The following SLC20A2 variants were observed in gnomAD, a reference collection of about 807,000 sequenced individuals.
The protein encoded by SLC20A2 is sodium-dependent phosphate transporter 2.
SLC20A2 carries 30 observed loss-of-function variants against 61.0 expected under a neutral mutation model. The observed-to-expected ratio is 0.49, with a 90% CI of 0.37 to 0.67. The LOEUF is 0.67. Among genes scored for constraint, SLC20A2 ranks in the 30% least tolerant of loss-of-function variants. The probability of loss-of-function intolerance (pLI) is 0.00; values close to 1 mark genes in which losing one functional copy is unlikely to be tolerated. For synonymous variants in SLC20A2, 351 were observed against 353.3 expected, an observed-to-expected ratio of 0.99 and a Z score of 0.07; for missense variants, 626 against 866.4, an observed-to-expected ratio of 0.72 and a Z score of 3.48.
intron 9 of SLC20A2, among the ~76,000 whole-genome samples, chr8:42,429,774 G>A (rs975936568): frequency 2.6e-5 from 4 of 152,170 alleles, no homozygotes; most frequent in Non-Finnish European, 5.9e-5. Flanking sequence ...CCCCGTGCTG[G>A]CTGAGGGTGA....
In SLC20A2 at chr8:42,445,610, A is replaced by G. The variant is rs1303422967; in HGVS notation, c.614-848T>C. ...GGCGCGGTGACAGGCGCCTGTAATC[A>G]CAGCTACTCAGGAGGCTGAGGCAGG... On this transcript the variant is annotated intron_variant, in intron 5 of 10. Transcript: ENST00000520262. 3.3e-5 allele frequency among the ~76,000 whole-genome samples: 5 copies of G among 151,890 alleles called. No homozygotes were observed. In the East Asian group the frequency reaches 9.8e-4, roughly 30 times the overall value.
In SLC20A2 at chr8:42,509,472, C is replaced by T. The variant is rs141964896; in HGVS notation, c.-265+32349G>A. Among the ~76,000 whole-genome samples the T allele has an allele frequency of 7.9e-3, 1,203 of 152,198 alleles. 8 individuals carry two copies. The highest frequency in any genetic ancestry group is 0.028 in the African/African-American group (1,142 of 41,506). Reference sequence around the variant, plus strand: ...AGGCTTAGCCAGGCACAGTGTCATGCCTATAATCCCAGCACTTTGGGAGGC... The same window carrying T: ...AGGCTTAGCCAGGCACAGTGTCATGTCTATAATCCCAGCACTTTGGGAGGC... On this transcript the variant is annotated intron_variant, in intron 1 of 10. Coordinates refer to the SLC20A2 transcript ENST00000342228.
At chr8:42,527,482 A>T (rs906875799) in intron 1 of SLC20A2, among the ~76,000 whole-genome samples, 1 of 152,122 alleles carries the variant, frequency 6.6e-6, no homozygotes. Context: ...GTTCATTTTT[A>T]AAAATGGGGA....
intron 4 of SLC20A2, among the ~76,000 whole-genome samples, chr8:42,460,611 T>G (rs1330560755): frequency 1.3e-5 from 2 of 152,256 alleles, no homozygotes; most frequent in African/African-American, 4.8e-5. Flanking sequence ...AGTTCCTTGT[T>G]GAATAATTTA....
At chr8:42,486,089 A>G (rs1808980864) in intron 1 of SLC20A2, among the ~76,000 whole-genome samples, 1 of 151,952 alleles carries the variant, frequency 6.6e-6, no homozygotes, top group African/African-American at 2.4e-5. Flanking sequence ...ATATGTAATT[A>G]TATTGTCTTT....
rs765520544 is a variant in SLC20A2, at chr8:42,428,741, G to A, written c.1794+17C>T. 24 of 1,605,676 alleles carry A rather than the reference G, an allele frequency of 1.5e-5. No homozygotes were observed. In the Admixed American group the frequency reaches 2.0e-4, roughly 14 times the overall value. ...CCCAGCGGCCTGGGGAAGGGCTCCC[G>A]GCTAGCAGGGGCCTACCTTACAGTG... On this transcript the variant is annotated intron_variant, in intron 10 of 10. Transcript: ENST00000520262.
intron 5 of SLC20A2, among the ~76,000 whole-genome samples, chr8:42,451,868 G>T (rs1445298884): frequency 3.6e-5 from 5 of 138,958 alleles, no homozygotes; most frequent in Admixed American, 3.5e-4. Flanking sequence ...GGAAAAGATG[G>T]AGGAGGAAGA....
intron 5 of SLC20A2, among the ~76,000 whole-genome samples, chr8:42,447,727 A>AT (rs1441265544): frequency 6.6e-6 from 1 of 152,234 alleles, no homozygotes; most frequent in African/African-American, 2.4e-5. Flanking sequence ...TATGAATAGA[A>AT]TAGGTAGTTA....
At chr8:42,511,542 G>A (rs560614793) in intron 1 of SLC20A2, among the ~76,000 whole-genome samples, 24 of 151,830 alleles carry the variant, frequency 1.6e-4, no homozygotes, top group Middle Eastern at 3.4e-3. Flanking sequence ...AAGGAGAATC[G>A]CTTGAACCTG....
chr8:42,534,485 AACAAAAC>A (rs1228469173), intron 1 of SLC20A2, among the ~76,000 whole-genome samples: 1 of 152,226 alleles, frequency 6.6e-6, no homozygotes, highest in Non-Finnish European at 1.5e-5. Context: ...ATATGAGAAC[AACAAAAC>A]ACTGAACAAG....
chr8:42,535,215 C>T (rs576333228), intron 1 of SLC20A2: 5 of 152,230 alleles, frequency 3.3e-5, no homozygotes, highest in East Asian at 1.9e-4. Context: ...ATGGTTGCCG[C>T]GCCACAGGCT....
At chr8:42,532,935 A>G (rs1204109385) in intron 1 of SLC20A2, among the ~76,000 whole-genome samples, 2 of 152,212 alleles carry the variant, frequency 1.3e-5, no homozygotes, top group Middle Eastern at 3.2e-3. Flanking sequence ...GACTAGGCTG[A>G]ATCATGGAGA....
chr8:42,417,788 C>G lies in SLC20A2; in HGVS notation c.*15G>C. 1.2e-6 allele frequency: 2 copies of G among 1,613,016 alleles called. No individual in the cohort carries two copies. The highest frequency in any genetic ancestry group is 1.7e-6 in the Non-Finnish European group (2 of 1,179,198). On this transcript the variant is annotated 3_prime_UTR_variant, in exon 11 of 11. Transcript: ENST00000520262. Reference sequence around the variant, plus strand: ...AGACCATCCCTTTAGCTGTTTGCAGCTGGAAGAAGACAAATCACACATATG... The same window carrying G: ...AGACCATCCCTTTAGCTGTTTGCAGGTGGAAGAAGACAAATCACACATATG...
intron 1 of SLC20A2, among the ~76,000 whole-genome samples, chr8:42,487,969 G>A (rs568452715): frequency 3.3e-5 from 5 of 152,232 alleles, no homozygotes; most frequent in East Asian, 1.9e-4. Context: ...CACAGCCTAA[G>A]GAGCTCAGGG....
rs1169971559 is a variant in SLC20A2, at chr8:42,437,802, G to C, written c.935-225C>G. On this transcript the variant is annotated intron_variant, in intron 7 of 10. Coordinates refer to ENST00000520262, the MANE Select transcript of SLC20A2 (RefSeq NM_001257180.2). The surrounding 1 kb of genome is among the most constrained non-coding windows in gnomAD (Gnocchi z 6.4). Reference sequence around the variant, plus strand: ...CTAACTTTTTTGTATTTTTAGTAGAGATGGGGTTTCACCATGTTGGCCAGG... The same window carrying C: ...CTAACTTTTTTGTATTTTTAGTAGACATGGGGTTTCACCATGTTGGCCAGG... 2.6e-5 allele frequency among the ~76,000 whole-genome samples: 4 copies of C among 151,568 alleles called. No individual in the cohort carries two copies. The highest frequency in any genetic ancestry group is 4.4e-5 in the Non-Finnish European group (3 of 67,924).
Position 42,490,397 on chromosome 8 carries a change from A to G in SLC20A2, c.-265+10634T>C, listed in dbSNP as rs181370057. On this transcript the variant is annotated intron_variant, in intron 1 of 10. Coordinates refer to ENST00000520262, the MANE Select transcript of SLC20A2 (RefSeq NM_001257180.2). ...TGGATCACTTGAGGCCAGGAGTTCA[A>G]GACCAGCCTGGCCAAAATGGTAAAC... 7.9e-3 allele frequency among the ~76,000 whole-genome samples: 1,196 copies of G among 152,276 alleles called. 8 individuals carry two copies. The highest frequency in any genetic ancestry group is 0.028 in the African/African-American group (1,147 of 41,542).
At chr8:42,525,581 C>CAAAAAAAAAAAAAA (rs34356863) in intron 1 of SLC20A2, among the ~76,000 whole-genome samples, 1 of 68,720 alleles carries the variant, frequency 1.5e-5, no homozygotes, top group Non-Finnish European at 2.7e-5. Context: ...GACTCTGTCT[C>CAAAAAAAAAAAAAA]AAAAAAAAAA....
At chr8:42,418,687 T>C (rs1010411172) in intron 10 of SLC20A2, among the ~76,000 whole-genome samples, 4 of 149,320 alleles carry the variant, frequency 2.7e-5, no homozygotes, top group East Asian at 2.1e-4. Flanking sequence ...TGTGCCCAGG[T>C]TGGATTTTGG....
intron 6 of SLC20A2, among the ~76,000 whole-genome samples, chr8:42,439,942 G>A (rs180770182): frequency 0.014 from 2,063 of 152,004 alleles, 18 homozygotes; most frequent in Middle Eastern, 0.037. Flanking sequence ...AAAATTAGCC[G>A]GGTGTGGTGG....
Sources: allele counts gnomAD v4.1 joint callset (sites outside exome capture counted in the v4.1 genomes callset), GRCh38; gene constraint gnomAD v4.1.1; non-coding constraint Gnocchi (gnomAD v3.1); transcripts MANE v1.5; gene names NCBI Gene and HGNC (gene_info 2026-07-23, HGNC 2026-07-21).